Variants in IL5RA observed in about 807,000 individuals in gnomAD.
IL5RA encodes interleukin 5 receptor subunit alpha, also known as interleukin-5 receptor subunit alpha.
In IL5RA, 49 loss-of-function variants were observed where a neutral mutation model predicts 50.0. The observed-to-expected ratio is 0.98, with a 90% confidence interval of 0.78 to 1.24. The LOEUF (loss-of-function observed/expected upper bound fraction) is 1.24, where lower values mean the gene tolerates loss of function less well. Ranked by LOEUF, IL5RA falls within the 50% of genes most tolerant of loss-of-function variation. The probability of loss-of-function intolerance (pLI) is 0.00; values close to 1 mark genes in which losing one functional copy is unlikely to be tolerated. For synonymous variants in IL5RA, 202 were observed against 174.0 expected (o/e 1.16, Z -1.26); for missense variants, 600 against 500.4 (o/e 1.20, Z -1.90).
At chr3:3,103,878 T>A (rs560055055) in intron 3 of IL5RA, among the ~76,000 whole-genome samples, 2 of 152,356 alleles carry the variant, frequency 1.3e-5, no homozygotes, top group African/African-American at 4.8e-5. Context: ...AAAACCTTCT[T>A]TTATTCATTT....
intron 9 of IL5RA, among the ~76,000 whole-genome samples, chr3:3,077,821 T>C (rs1178525130): frequency 6.6e-6 from 1 of 152,042 alleles, no homozygotes; most frequent in East Asian, 1.9e-4. Flanking sequence ...ATTTACCAAA[T>C]AGTGTTTAAA....
intron 7 of IL5RA, 140 bp from the exon 8 acceptor site, chr3:3,095,584 G>A: frequency 2.8e-6 from 2 of 703,598 alleles, no homozygotes; most frequent in Non-Finnish European, 4.7e-6. Context: ...TTAATCAACT[G>A]ATCTCCAAGC....
At chr3:3,077,715 C>T (rs1702535974) in intron 9 of IL5RA, among the ~76,000 whole-genome samples, 1 of 152,090 alleles carries the variant, frequency 6.6e-6, no homozygotes, top group South Asian at 2.1e-4. Context: ...TTGCAGTGAG[C>T]CGAGATTGCA....
In IL5RA at chr3:3,107,685, G is replaced by T. The variant is rs532768783; in HGVS notation, c.-4+865C>A. ...TCTTTAAGAGAAATCATGATCTCAT[G>T]ATCTACTTGCTCATATAACATTTCA... On this transcript the variant is annotated intron_variant, in intron 2 of 11. Transcript: ENST00000446632. Among the ~76,000 whole-genome samples, 7 of 152,248 alleles carry T rather than the reference G, an allele frequency of 4.6e-5. No homozygotes were observed. In the South Asian group the frequency reaches 1.5e-3, roughly 32 times the overall value.
At chr3:3,079,506 G>A (rs1702593566) in intron 9 of IL5RA, among the ~76,000 whole-genome samples, 1 of 152,144 alleles carries the variant, frequency 6.6e-6, no homozygotes, top group African/African-American at 2.4e-5. Flanking sequence ...TGCCGGACAG[G>A]CAGGCTTTGT....
chr3:3,090,188 CTGT>C, intron 9 of IL5RA: 1 of 1,608,522 alleles, frequency 6.2e-7, no homozygotes, highest in Non-Finnish European at 8.5e-7. Flanking sequence ...GCTATCCCTG[CTGT>C]TGTTTTTATT....
At chr3:3,098,649 C>T (rs568454359) in intron 5 of IL5RA, among the ~76,000 whole-genome samples, 7 of 152,268 alleles carry the variant, frequency 4.6e-5, no homozygotes, top group South Asian at 2.1e-4. Flanking sequence ...CTCAAGTGAT[C>T]CACCCACAGC....
At chr3:3,106,832 A>G (rs1310631207) in intron 2 of IL5RA, among the ~76,000 whole-genome samples, 1 of 152,166 alleles carries the variant, frequency 6.6e-6, no homozygotes, top group Non-Finnish European at 1.5e-5. Context: ...TCTAGGTCAG[A>G]AAAAACTGCA....
chr3:3,091,714 A>C (rs778626567), intron 9 of IL5RA: 62 of 153,316 alleles, frequency 4.0e-4, no homozygotes, highest in Non-Finnish European at 8.3e-4. Flanking sequence ...CCAGGGCGAC[A>C]GAGCAAGACT....
At position 3,091,109 on chromosome 3, in the gene IL5RA, T is replaced by A. The variant is rs182468990; in HGVS notation, c.994+1115A>T. Among the ~76,000 whole-genome samples, 128 of 152,300 alleles carry A rather than the reference T, an allele frequency of 8.4e-4. 1 individual carries two copies. Among genetic ancestry groups the A allele is most frequent in the African/African-American group, 2.9e-3 (119 of 41,564 alleles). On this transcript the variant is annotated intron_variant, in intron 9 of 11. Transcript: ENST00000446632. The stretch of plus-strand genomic sequence containing the variant: ...TGCAGAGCTAACACAGGAGTCCCGG[T>A]GATGCATGGACCTCTTTATACTCTA...
At position 3,092,313 on chromosome 3, in the gene IL5RA, G is replaced by T; in HGVS notation, c.905C>A (p.Ser302Tyr). 6.2e-7 allele frequency: 1 copy of T among 1,613,908 alleles called. No homozygotes were observed. Reference protein sequence around the residue: ...NAFISIIDDLSKYDVQVRAAV... With the variant: ...NAFISIIDDLYKYDVQVRAAV... ...TGCTCTCACTTGAACATCGTACTTA[G>T]AAAGATCATCAATTATTGAGATGAA... The change falls in exon 9 of 12, where the codon TCT becomes TAT. Residue 302 changes from serine (S) to tyrosine (Y), a missense_variant. Ser to Tyr is a moderately radical substitution (Grantham distance 144, BLOSUM62 -2). Coordinates refer to ENST00000446632, the MANE Select transcript of IL5RA (RefSeq NM_175726.4). The surrounding 1 kb of genome is among the most constrained non-coding windows in gnomAD (Gnocchi z 4.2).
chr3:3,107,358 T>C (rs964005230), intron 2 of IL5RA, among the ~76,000 whole-genome samples: 3 of 135,962 alleles, frequency 2.2e-5, no homozygotes, highest in Non-Finnish European at 4.7e-5. Context: ...CTGTGGCCCC[T>C]TAATACTTCT....
intron 8 of IL5RA, 141 bp downstream of exon 8, chr3:3,095,158 C>G: frequency 1.6e-6 from 1 of 627,498 alleles, no homozygotes; most frequent in East Asian, 2.7e-5. Flanking sequence ...TTGGTTATAT[C>G]TATAATACCT....
At position 3,092,484 on chromosome 3, in the gene IL5RA, A is replaced by G. The variant is rs1703171345; in HGVS notation, c.856-122T>C. 1 of 874,766 alleles carries G rather than the reference A, an allele frequency of 1.1e-6. No homozygotes were observed. The highest frequency in any genetic ancestry group is 1.8e-6 in the Non-Finnish European group (1 of 554,862). The allele number at this position is 874,766 out of a possible 1,614,324, so 54.2% of individuals were successfully genotyped here. On this transcript the variant is annotated intron_variant, in intron 8 of 11. Coordinates refer to ENST00000446632, the MANE Select transcript of IL5RA (RefSeq NM_175726.4). This position sits in a 1 kb window ranked among gnomAD's most constrained non-coding sequence, Gnocchi z 4.2. Reference sequence around the variant, plus strand: ...ACTGTTCAGCAAGTCCTTTAAAATCAACAGGGCACACATTAATTCGTTTAT... The same window carrying G: ...ACTGTTCAGCAAGTCCTTTAAAATCGACAGGGCACACATTAATTCGTTTAT...
intron 9 of IL5RA, among the ~76,000 whole-genome samples, chr3:3,084,339 C>A (rs1702775821): frequency 6.6e-6 from 1 of 152,112 alleles, no homozygotes; most frequent in African/African-American, 2.4e-5. Flanking sequence ...TATCAGAATT[C>A]TAAAAATGCA....
chr3:3,094,016 G>A (rs982683692), intron 8 of IL5RA, among the ~76,000 whole-genome samples: 1 of 152,094 alleles, frequency 6.6e-6, no homozygotes, highest in African/African-American at 2.4e-5. Flanking sequence ...ACATAATAAA[G>A]CTTGACACAT....
chr3:3,091,210 CT>C (rs1559869870), intron 9 of IL5RA, among the ~76,000 whole-genome samples: 1 of 152,178 alleles, frequency 6.6e-6, no homozygotes, highest in Non-Finnish European at 1.5e-5. Context: ...TTGGAATCTT[CT>C]TTTTTTAAAA....
At position 3,095,414 on chromosome 3, in the gene IL5RA, G is replaced by A; in HGVS notation, c.740C>T (p.Ala247Val). 1 of 1,611,994 alleles carries A rather than the reference G, an allele frequency of 6.2e-7. No homozygotes were observed. The highest frequency in any genetic ancestry group is 8.5e-7 in the Non-Finnish European group (1 of 1,178,906). ...DQINPPLNVTAEIEGTRLSIQ... is the reference protein window; with the variant it reads ...DQINPPLNVTVEIEGTRLSIQ... ...AGAGAGACGAGTTCCTTCAATCTCT[G>A]CTGTGACATTCAGTGGAGGATTTAT... Residue 247 changes from alanine (A) to valine (V), a missense_variant, in exon 8 of 12, where the codon GCA (alanine) becomes GTA (valine). Coordinates refer to ENST00000446632, the MANE Select transcript of IL5RA (RefSeq NM_175726.4).
Position 3,091,975 on chromosome 3 carries a change from A to C in IL5RA, c.994+249T>G, listed in dbSNP as rs1024022124. 2.5e-6 allele frequency: 3 copies of C among 1,213,948 alleles called. No individual in the cohort carries two copies. The African/African-American group carries it at 4.7e-5, about 19-fold the overall frequency. 75.2% of individuals were successfully genotyped at this position (1,213,948 alleles called of 1,614,324 possible). Reference sequence around the variant, plus strand: ...TAAAAAATGGATAGAAGTAGAAACAAAACTTGGAAAAAAAACAGGCACCAG... The same window carrying C: ...TAAAAAATGGATAGAAGTAGAAACACAACTTGGAAAAAAAACAGGCACCAG... On this transcript the variant is annotated intron_variant, in intron 9 of 11. Transcript: ENST00000446632.
Sources: allele counts gnomAD v4.1 joint callset (sites outside exome capture counted in the v4.1 genomes callset), GRCh38; gene constraint gnomAD v4.1.1; non-coding constraint Gnocchi (gnomAD v3.1); transcripts MANE v1.5; gene names NCBI Gene and HGNC (gene_info 2026-07-23, HGNC 2026-07-21).